COL6A5: variants seen among roughly 807,000 people sequenced by gnomAD.
The protein encoded by COL6A5 is collagen type VI alpha 5 chain.
A neutral mutation model predicts 65.6 loss-of-function variants in COL6A5; 48 were observed. The observed-to-expected ratio is 0.73, with a 90% CI of 0.58 to 0.93. The LOEUF is 0.93. Ranked by LOEUF, COL6A5 falls within the 40% of genes least tolerant of loss-of-function variation. COL6A5 has a pLI of 0.00. For missense variants in COL6A5, 914 were observed against 928.3 expected (o/e 0.98, Z 0.20); for synonymous variants, 291 against 322.8 (o/e 0.90, Z 1.05).
intron 14 of COL6A5, 27 bp from the exon 15 acceptor site, chr3:130,405,966 C>A: frequency 6.5e-7 from 1 of 1,549,752 alleles, no homozygotes; most frequent in South Asian, 1.2e-5. Context: ...TTTGATTTGT[C>A]AGTGAGAGAT....
At chr3:130,378,221 G>T (rs28488776) in intron 3 of COL6A5, among the ~76,000 whole-genome samples, 44,081 of 151,930 alleles carry the variant, frequency 0.29, 7,386 homozygotes, top group East Asian at 0.51. Flanking sequence ...AACTTACCAT[G>T]TCTGAAACAG....
intron 17 of COL6A5, among the ~76,000 whole-genome samples, chr3:130,406,725 A>G (rs1937006475): frequency 6.6e-6 from 1 of 151,832 alleles, no homozygotes; most frequent in South Asian, 2.1e-4. Context: ...TGGCTTTGGT[A>G]GCAAATCACT....
At chr3:130,477,076 C>G in intron 7 of COL6A5, 1 of 1,517,650 alleles carries the variant, frequency 6.6e-7, no homozygotes, top group South Asian at 1.2e-5. Context: ...AGCATCTTAC[C>G]TAAGAATTCA....
chr3:130,419,027 C>A, intron 25 of COL6A5, 96 bp downstream of exon 25: 1 of 883,512 alleles, frequency 1.1e-6, no homozygotes, highest in Non-Finnish European at 1.8e-6. Context: ...TTATGGGGGG[C>A]ATGAAAGGTA....
intron 10 of COL6A5, 57 bp from the exon 11 acceptor site, chr3:130,400,974 C>T (rs1936793946): frequency 5.9e-6 from 8 of 1,363,742 alleles, no homozygotes; most frequent in African/African-American, 4.4e-5. Context: ...ATTATGTCTT[C>T]TTCTTTTTCA....
intron 1 of COL6A5, among the ~76,000 whole-genome samples, chr3:130,434,674 T>A (rs1937966566): frequency 1.3e-5 from 2 of 152,240 alleles, no homozygotes; most frequent in Non-Finnish European, 1.5e-5. Context: ...GATTTGCATT[T>A]CTCTAATGAT....
At position 130,405,537 on chromosome 3, in the gene COL6A5, G is replaced by A. The variant is rs116398954; in HGVS notation, c.4282-51G>A. The stretch of plus-strand genomic sequence containing the variant: ...ACTCTGTGAAAATAAACCACTGGCA[G>A]CTTCTGGCAAAAACATCACTTTGGG... On this transcript the variant is annotated intron_variant and NMD_transcript_variant, in intron 13 of 41. Transcript: ENST00000312481. The A allele has an allele frequency of 1.5e-3, 2,107 of 1,381,480 alleles. 34 individuals carry two copies. In the African/African-American group the frequency reaches 0.026, roughly 17 times the overall value. 85.6% of individuals were successfully genotyped at this position (1,381,480 alleles called of 1,614,324 possible). A position where few individuals can be genotyped will look rare whatever the true frequency, so the allele number is the denominator to read the frequency against.
chr3:130,440,688 G>T, exon 3 of COL6A5: 3 of 1,613,552 alleles, frequency 1.9e-6, no homozygotes, highest in Middle Eastern at 1.7e-4. Context: ...ATTTCTCTGG[G>T]CTCTACACGT....
intron 8 of COL6A5, among the ~76,000 whole-genome samples, 160 bp from the exon 9 acceptor site, chr3:130,397,423 T>C (rs1019739567): frequency 2.0e-5 from 3 of 152,052 alleles, no homozygotes; most frequent in African/African-American, 7.2e-5. Context: ...TATGTATATG[T>C]ATATATATGA....
chr3:130,473,042 AAGAG>A (rs1016759346), intron 7 of COL6A5, among the ~76,000 whole-genome samples: 3 of 150,852 alleles, frequency 2.0e-5, no homozygotes, highest in African/African-American at 4.8e-5. Context: ...TACAGACAAA[AAGAG>A]AGAGAGAAGA....
chr3:130,473,586 C>G (rs1438673205), intron 7 of COL6A5, among the ~76,000 whole-genome samples: 1 of 152,030 alleles, frequency 6.6e-6, no homozygotes, highest in East Asian at 1.9e-4. Flanking sequence ...CAGTATACCA[C>G]TGGAGGCTAT....
intron 20 of COL6A5, among the ~76,000 whole-genome samples, chr3:130,410,747 G>T (rs1391284110): frequency 6.6e-6 from 1 of 152,092 alleles, no homozygotes; most frequent in African/African-American, 2.4e-5. Flanking sequence ...CTACCCACTA[G>T]TATCAGTAGC....
At chr3:130,456,336 T>C (rs1387122052) in intron 5 of COL6A5, among the ~76,000 whole-genome samples, 1 of 150,742 alleles carries the variant, frequency 6.6e-6, no homozygotes, top group African/African-American at 2.4e-5. Context: ...TGAGGGGAGG[T>C]GGGAATGGGT....
At chr3:130,364,730 C>T (rs1167112749) in intron 1 of COL6A5, among the ~76,000 whole-genome samples, 3 of 152,140 alleles carry the variant, frequency 2.0e-5, no homozygotes, top group African/African-American at 4.8e-5. Flanking sequence ...ACTAGGAATT[C>T]GAGATCTCTC....
intron 13 of COL6A5, 127 bp downstream of exon 13, chr3:130,403,789 G>A: frequency 1.7e-6 from 1 of 575,166 alleles, no homozygotes; most frequent in Non-Finnish European, 2.8e-6. Context: ...AGGGGTAGAT[G>A]GGGTTTTGTT....
At chr3:130,459,673 A>G (rs1307968065) in intron 5 of COL6A5, among the ~76,000 whole-genome samples, 1 of 152,060 alleles carries the variant, frequency 6.6e-6, no homozygotes, top group African/African-American at 2.4e-5. Flanking sequence ...CAGGCTCTCT[A>G]CTTCTACACC....
intron 6 of COL6A5, among the ~76,000 whole-genome samples, chr3:130,390,591 C>T (rs944242361): frequency 2.6e-5 from 4 of 152,084 alleles, no homozygotes; most frequent in Non-Finnish European, 5.9e-5. Context: ...AGTTTTTGCT[C>T]TCCTCCTACT....
Position 130,468,920 on chromosome 3 carries a change from G to T in COL6A5, c.1672G>T (p.Glu558Ter), listed in dbSNP as rs1398587398. 5 of 1,612,506 alleles carry T rather than the reference G, an allele frequency of 3.1e-6. No homozygotes were observed. The highest frequency in any genetic ancestry group is 4.2e-6 in the Non-Finnish European group (5 of 1,179,220). ...TGCTTCCCAAAGAGTAGGAAGTGATGAGTTTAAGGAAGTAAAAGCTTTTAT... is the reference window on the plus strand; with the variant it reads ...TGCTTCCCAAAGAGTAGGAAGTGATTAGTTTAAGGAAGTAAAAGCTTTTAT... The change falls in exon 6 of 8, where the codon GAG (glutamate) becomes TAG (stop). Residue 558 changes from glutamate to a stop codon, truncating the protein, a stop_gained. Coordinates refer to ENST00000512836, the Ensembl canonical transcript of COL6A5. LOFTEE classifies it high-confidence loss of function.
chr3:130,447,295 C>T (rs547599365), intron 4 of COL6A5, among the ~76,000 whole-genome samples: 116 of 152,236 alleles, frequency 7.6e-4, no homozygotes, highest in Non-Finnish European at 1.5e-3. Context: ...GGAGCTAGCA[C>T]GAGTCACATC....
Sources: gnomAD v4.1 joint callset for allele counts (sites outside exome capture counted in the v4.1 genomes callset) on GRCh38, gnomAD v4.1.1 for gene constraint, MANE v1.5 for transcripts, NCBI Gene and HGNC (gene_info 2026-07-23, HGNC 2026-07-21) for gene names.